Variants in BTK observed in about 807,000 individuals in gnomAD.
The protein encoded by BTK is Bruton tyrosine kinase.
A neutral mutation model predicts 57.4 loss-of-function variants in BTK; 5 were observed. That is an observed-to-expected ratio of 0.09 (90% CI 0.05 to 0.18). The LOEUF is 0.18. Among genes scored for constraint, BTK ranks in the 10% least tolerant of loss-of-function variants. The pLI, the probability that BTK is intolerant of heterozygous loss-of-function variation, is 1.00. For synonymous variants in BTK, 154 were observed against 174.3 expected, an observed-to-expected ratio of 0.88 and a Z score of 0.92; for missense variants, 194 against 501.2, an observed-to-expected ratio of 0.39 and a Z score of 5.85.
rs782577222 is a variant in BTK, at chrX:101,356,735, C to T, written c.1349+49G>A. ...GCCTCAGTGGGTTGTTGTGTGAATT[C>T]CTAGACTCCAGCAAATAGATTGAGA... On this transcript the variant is annotated intron_variant, in intron 14 of 18. Transcript: ENST00000308731. 2.5e-5 allele frequency: 30 copies of T among 1,197,927 alleles called. No individual in the cohort carries two copies. In the South Asian group the frequency reaches 5.1e-4, roughly 20 times the overall value.
chrX:101,359,069 C>T (rs782115758), intron 10 of BTK, among the ~76,000 whole-genome samples: 3 of 111,703 alleles, frequency 2.7e-5, no homozygotes, highest in Non-Finnish European at 5.6e-5. Context: ...ACCCAGAAGG[C>T]GGAGGTTGCA....
chrX:101,358,244 T>C, intron 12 of BTK, 66 bp downstream of exon 12: 2 of 1,194,600 alleles, frequency 1.7e-6, no homozygotes, highest in Non-Finnish European at 2.3e-6. Flanking sequence ...CTTCCTCTTA[T>C]CACCTTGTCC....
intron 14 of BTK, 108 bp downstream of exon 14, chrX:101,356,676 G>A (rs189963146): frequency 6.2e-6 from 6 of 964,235 alleles, no homozygotes; most frequent in Admixed American, 2.2e-5. Flanking sequence ...TCAGTCCCTC[G>A]TCCCAAACCT....
intron 1 of BTK, among the ~76,000 whole-genome samples, chrX:101,381,008 A>G (rs1310028466): frequency 1.2e-4 from 10 of 86,456 alleles, no homozygotes; most frequent in South Asian, 4.9e-4. Flanking sequence ...CTCGGTCGCG[A>G]AAAAAAAAAA....
intron 1 of BTK, among the ~76,000 whole-genome samples, chrX:101,381,729 A>G (rs1196577934): frequency 9.0e-6 from 1 of 111,334 alleles, no homozygotes; most frequent in East Asian, 2.8e-4. Flanking sequence ...ATTGGTTTAC[A>G]TGTTTAAAAT....
At chrX:101,381,421 T>C (rs1422711705) in intron 1 of BTK, among the ~76,000 whole-genome samples, 1 of 111,984 alleles carries the variant, frequency 8.9e-6, no homozygotes, top group Non-Finnish European at 1.9e-5. Flanking sequence ...GGTAGAATTA[T>C]CAACTATCTC....
At chrX:101,359,186 G>A in intron 10 of BTK, 107 bp downstream of exon 10, 1 of 882,818 alleles carries the variant, frequency 1.1e-6, no homozygotes, top group East Asian at 3.1e-5. Flanking sequence ...CCAGACGATG[G>A]CAGCTTTGAC....
At chrX:101,351,522 C>T (rs782281190) in intron 18 of BTK, among the ~76,000 whole-genome samples, 9 of 111,376 alleles carry the variant, frequency 8.1e-5, no homozygotes, top group African/African-American at 2.9e-4. Context: ...GTCATTTGTT[C>T]GAGGGAAACC....
intron 5 of BTK, among the ~76,000 whole-genome samples, chrX:101,368,697 T>G (rs782437192): frequency 3.6e-5 from 4 of 112,508 alleles, no homozygotes. Context: ...CCAAGGTTGT[T>G]GTGAAAATTA....
intron 18 of BTK, among the ~76,000 whole-genome samples, chrX:101,350,864 C>T (rs1238520473): frequency 8.9e-6 from 1 of 112,190 alleles, no homozygotes; most frequent in Non-Finnish European, 1.9e-5. Context: ...CAATGGTCAT[C>T]AATTTCTTGA....
intron 18 of BTK, 124 bp downstream of exon 18, chrX:101,353,070 T>TAAAAA: frequency 1.7e-6 from 1 of 592,810 alleles, no homozygotes. Flanking sequence ...TGTCTCAAAT[T>TAAAAA]AAAAAAAAAA....
chrX:101,383,884 C>T (rs1266273231), intron 1 of BTK, among the ~76,000 whole-genome samples: 1 of 111,837 alleles, frequency 8.9e-6, no homozygotes, highest in African/African-American at 3.3e-5. Flanking sequence ...GTTTCAGGGT[C>T]CTCAGAGGAG....
intron 18 of BTK, among the ~76,000 whole-genome samples, chrX:101,351,672 T>C (rs1260952596): frequency 9.0e-6 from 1 of 111,537 alleles, no homozygotes; most frequent in Non-Finnish European, 1.9e-5. Context: ...TACTGAAAAG[T>C]AGAGAAGGCA....
rs782793976 is a variant in BTK, at chrX:101,360,764, T to A, written c.589-9A>T. The A allele has an allele frequency of 8.3e-6, 10 of 1,206,892 alleles. No individual in the cohort carries two copies. In the South Asian group the frequency reaches 1.8e-4, roughly 21 times the overall value. ...AGTGGCTTTTTCAAGATCTATGTAG[T>A]TAGGAGAAAAGGTAGGAGGGTTTGT... is the stretch of plus-strand genomic sequence containing the variant. On this transcript the variant is annotated splice_polypyrimidine_tract_variant and intron_variant, in intron 7 of 18. Coordinates refer to ENST00000308731, the MANE Select transcript of BTK (RefSeq NM_000061.3).
chrX:101,356,857 C>T lies in BTK; in HGVS notation c.1276G>A (p.Asp426Asn), dbSNP rs782813365. ...TCTTTGATCATCTTGATGGCCACGT[C>T]GTACTGGCCTCTCCATTTCCCATAC... ...VKYGKWRGQY[D>N]VAIKMIKEGS... Residue 426 changes from aspartate (D) to asparagine (N), a missense_variant, in exon 14 of 19, where the codon GAC becomes AAC. Physicochemically the swap from Asp to Asn is conservative, Grantham distance 23. This residue lies in a region of BTK where 79 missense variants were observed against 217.7 expected (regional missense o/e 0.36). Coordinates refer to ENST00000308731, the MANE Select transcript of BTK (RefSeq NM_000061.3). The T allele has an allele frequency of 3.7e-5, 45 of 1,209,847 alleles. No homozygotes were observed. The South Asian group carries it at 6.2e-4, about 17-fold the overall frequency.
chrX:101,384,325 C>T (rs918376344), intron 1 of BTK, among the ~76,000 whole-genome samples: 2 of 112,105 alleles, frequency 1.8e-5, no homozygotes, highest in Non-Finnish European at 3.8e-5. Flanking sequence ...AGGGTGGGTG[C>T]GGTGGCTCAC....
chrX:101,364,353 G>A (rs1355547743), intron 5 of BTK, among the ~76,000 whole-genome samples: 2 of 100,103 alleles, frequency 2.0e-5, no homozygotes, highest in Non-Finnish European at 4.0e-5. Flanking sequence ...AGGTCCCAGT[G>A]AACTGGGATG....
At chrX:101,361,008 G>A (rs782193113) in intron 7 of BTK, among the ~76,000 whole-genome samples, 4 of 111,041 alleles carry the variant, frequency 3.6e-5, no homozygotes, top group African/African-American at 1.3e-4. Flanking sequence ...TTGAGGCCAG[G>A]AGTTCGAGAC....
intron 3 of BTK, among the ~76,000 whole-genome samples, chrX:101,373,225 C>T (rs782628982): frequency 7.6e-4 from 84 of 110,805 alleles, no homozygotes; most frequent in Non-Finnish European, 1.2e-3. Flanking sequence ...TAAAAATAAC[C>T]AAAGTGCACA....
Sources: allele counts gnomAD v4.1 joint callset (sites outside exome capture counted in the v4.1 genomes callset), GRCh38; gene constraint gnomAD v4.1.1; regional missense constraint gnomAD v4.1.1; transcripts MANE v1.5; gene names NCBI Gene and HGNC (gene_info 2026-07-23, HGNC 2026-07-21).